The following FRAS1 variants were observed in gnomAD, a reference collection of about 807,000 sequenced individuals.
FRAS1 encodes Fraser extracellular matrix complex subunit 1, also known as extracellular matrix organizing protein FRAS1.
A neutral mutation model predicts 435.2 loss-of-function variants in FRAS1; 290 were observed. The observed-to-expected ratio is 0.67, with a 90% CI of 0.61 to 0.73. The LOEUF is 0.73. Ranked by LOEUF, FRAS1 falls within the 30% of genes least tolerant of loss-of-function variation. The pLI is 0.00. For synonymous variants in FRAS1, 1,800 were observed against 1,851.0 expected (o/e 0.97, Z 0.71); for missense variants, 4,860 against 5,001.5 (o/e 0.97, Z 0.85).
At chr4:78,189,531 C>G (rs1203334078) in intron 2 of FRAS1, among the ~76,000 whole-genome samples, 2 of 152,164 alleles carry the variant, frequency 1.3e-5, no homozygotes, top group African/African-American at 4.8e-5. Context: ...TCTATCATCC[C>G]AAGGATGTTT....
intron 2 of FRAS1, among the ~76,000 whole-genome samples, chr4:78,215,036 A>C (rs778396059): frequency 2.0e-5 from 3 of 152,154 alleles, no homozygotes; most frequent in South Asian, 2.1e-4. Context: ...CTGGATGCTA[A>C]GTGTCAAGAT....
chr4:78,109,048 G>C (rs1742546879), intron 2 of FRAS1, among the ~76,000 whole-genome samples: 2 of 55,934 alleles, frequency 3.6e-5, no homozygotes, highest in Admixed American at 4.8e-4. Context: ...GACTAAACCA[G>C]GAAGAAGTTG....
intron 18 of FRAS1, among the ~76,000 whole-genome samples, chr4:78,320,246 T>C (rs1729447474): frequency 6.6e-6 from 1 of 152,226 alleles, no homozygotes; most frequent in Non-Finnish European, 1.5e-5. Flanking sequence ...TAAACTCCTG[T>C]GGCTCTGTTT....
intron 26 of FRAS1, among the ~76,000 whole-genome samples, chr4:78,378,104 C>A (rs1456350804): frequency 6.6e-6 from 1 of 152,112 alleles, no homozygotes; most frequent in African/African-American, 2.4e-5. Context: ...TCCCTGGAAA[C>A]CACTAATCTC....
intron 2 of FRAS1, among the ~76,000 whole-genome samples, chr4:78,229,575 A>G (rs1724428269): frequency 6.6e-6 from 1 of 152,208 alleles, no homozygotes; most frequent in East Asian, 1.9e-4. Flanking sequence ...CTGTAAATGT[A>G]GGCAGCACTG....
chr4:78,535,304 A>C (rs1721846819), intron 71 of FRAS1, among the ~76,000 whole-genome samples: 1 of 151,586 alleles, frequency 6.6e-6, no homozygotes, highest in South Asian at 2.1e-4. Flanking sequence ...CCATCCCTTT[A>C]CTCTGAACTT....
At chr4:78,065,947 T>C in intron 1 of FRAS1, 38 bp from the exon 2 acceptor site, 6 of 1,549,420 alleles carry the variant, frequency 3.9e-6, no homozygotes, top group Non-Finnish European at 4.4e-6. Context: ...TGGTTTATTA[T>C]GCATCCCTTT....
At chr4:78,460,671 A>G (rs1719343779) in intron 47 of FRAS1, among the ~76,000 whole-genome samples, 1 of 152,248 alleles carries the variant, frequency 6.6e-6, no homozygotes, top group Non-Finnish European at 1.5e-5. Flanking sequence ...CACCTGGGCT[A>G]TATGCATATA....
At chr4:78,133,988 C>T (rs1313248067) in intron 2 of FRAS1, among the ~76,000 whole-genome samples, 1 of 141,302 alleles carries the variant, frequency 7.1e-6, no homozygotes, top group Non-Finnish European at 1.5e-5. Flanking sequence ...GAGATGGACT[C>T]TCGCACTGTC....
chr4:78,538,079 A>C (rs1340342017), intron 72 of FRAS1, among the ~76,000 whole-genome samples: 3 of 152,248 alleles, frequency 2.0e-5, no homozygotes, highest in Non-Finnish European at 4.4e-5. Context: ...AGAAGCAGTT[A>C]TGAGAATCCA....
At chr4:78,113,861 T>G (rs1742931093) in intron 2 of FRAS1, among the ~76,000 whole-genome samples, 1 of 152,252 alleles carries the variant, frequency 6.6e-6, no homozygotes, top group Non-Finnish European at 1.5e-5. Context: ...TTTTGGCTTT[T>G]GTTGCCATTG....
At position 78,438,910 on chromosome 4, in the gene FRAS1, C is replaced by G; in HGVS notation, c.5375C>G (p.Ala1792Gly). 1 of 1,606,316 alleles carries G rather than the reference C, an allele frequency of 6.2e-7. No homozygotes were observed. The highest frequency in any genetic ancestry group is 2.2e-5 in the East Asian group (1 of 44,830). ...DINNKKIRYS[A>G]VFETDGHLVT... is the part of the protein sequence containing the mutation. ...TTTTTGTTTTTTTATAGATACTCAG[C>G]TGTGTTTGAAACTGATGGTCATCTG... Residue 1792 changes from alanine (A) to glycine (G), a missense_variant, in exon 40 of 74, where the codon GCT becomes GGT. Physicochemically the swap from Ala to Gly is moderately conservative, Grantham distance 60 (BLOSUM62 0). Coordinates refer to ENST00000512123, the MANE Select transcript of FRAS1 (RefSeq NM_025074.7).
intron 70 of FRAS1, among the ~76,000 whole-genome samples, chr4:78,530,657 G>A (rs982213443): frequency 2.6e-5 from 4 of 152,106 alleles, no homozygotes; most frequent in African/African-American, 9.7e-5. Context: ...GTAGATGTGT[G>A]GCGTGATTAC....
At chr4:78,479,812 T>A in intron 56 of FRAS1, 94 bp downstream of exon 56, 2 of 963,090 alleles carry the variant, frequency 2.1e-6, no homozygotes, top group Non-Finnish European at 3.0e-6. Context: ...CGGGAGACAT[T>A]GAGAATGCCA....
At chr4:78,194,480 C>G (rs1722705790) in intron 2 of FRAS1, among the ~76,000 whole-genome samples, 1 of 152,150 alleles carries the variant, frequency 6.6e-6, no homozygotes, top group Admixed American at 6.6e-5. Context: ...TCTTTTTATT[C>G]TTTTTTCTCT....
intron 47 of FRAS1, among the ~76,000 whole-genome samples, chr4:78,463,713 T>C (rs1352371707): frequency 6.6e-6 from 1 of 152,180 alleles, no homozygotes; most frequent in Non-Finnish European, 1.5e-5. Context: ...AGACAATGGC[T>C]CTACCTTTCA....
At chr4:78,435,666 A>G (rs1037903459) in intron 38 of FRAS1, among the ~76,000 whole-genome samples, 1 of 151,688 alleles carries the variant, frequency 6.6e-6, no homozygotes, top group East Asian at 2.0e-4. Flanking sequence ...TGAACCCAAA[A>G]GGTGGAAGTT....
intron 38 of FRAS1, among the ~76,000 whole-genome samples, chr4:78,435,974 G>A (rs1207416084): frequency 6.6e-6 from 1 of 151,912 alleles, no homozygotes; most frequent in Non-Finnish European, 1.5e-5. Context: ...ATTAAGGAAG[G>A]GCGGAACATC....
intron 27 of FRAS1, among the ~76,000 whole-genome samples, chr4:78,383,124 C>A (rs932747247): frequency 6.6e-6 from 1 of 152,198 alleles, no homozygotes; most frequent in Non-Finnish European, 1.5e-5. Flanking sequence ...TAAGTCTTAC[C>A]TTCCCTCCTA....
Sources: allele counts gnomAD v4.1 joint callset (sites outside exome capture counted in the v4.1 genomes callset), GRCh38; gene constraint gnomAD v4.1.1; transcripts MANE v1.5; gene names NCBI Gene and HGNC (gene_info 2026-07-23, HGNC 2026-07-21).